KIF16B: variants seen among roughly 807,000 people sequenced by gnomAD.
KIF16B encodes kinesin family member 16B.
In KIF16B, 98 loss-of-function variants were observed where a neutral mutation model predicts 156.3. That is an observed-to-expected ratio of 0.63 (90% CI 0.53 to 0.74). KIF16B has a LOEUF of 0.74. KIF16B is among the 30% of genes least tolerant of loss of function. The pLI, the probability that KIF16B is intolerant of heterozygous loss-of-function variation, is 0.00. For synonymous variants in KIF16B, 564 were observed against 583.7 expected, an observed-to-expected ratio of 0.97 and a Z score of 0.49; for missense variants, 1,421 against 1,606.5, an observed-to-expected ratio of 0.88 and a Z score of 1.97.
chr20:16,366,648 G>A (rs748759120), intron 22 of KIF16B, among the ~76,000 whole-genome samples: 4 of 152,164 alleles, frequency 2.6e-5, no homozygotes, highest in Non-Finnish European at 5.9e-5. Context: ...TTCAATCCCC[G>A]GGTCCTCATA....
intron 25 of KIF16B, among the ~76,000 whole-genome samples, chr20:16,295,514 A>T (rs1220754751): frequency 6.6e-6 from 1 of 150,400 alleles, no homozygotes; most frequent in East Asian, 1.9e-4. Flanking sequence ...TATATAATCT[A>T]CTGACACTTA....
At chr20:16,291,600 A>G (rs2063315950) in intron 25 of KIF16B, among the ~76,000 whole-genome samples, 1 of 152,220 alleles carries the variant, frequency 6.6e-6, no homozygotes. Flanking sequence ...AAATCTCGTC[A>G]TCTAGGGGAT....
intron 20 of KIF16B, 125 bp downstream of exon 20, chr20:16,374,132 T>G: frequency 1.1e-6 from 1 of 941,986 alleles, no homozygotes; most frequent in South Asian, 3.2e-5. Flanking sequence ...AGAGCACATC[T>G]CAAGCACGTG....
chr20:16,555,367 A>C (rs532305647), intron 1 of KIF16B, among the ~76,000 whole-genome samples: 1 of 152,196 alleles, frequency 6.6e-6, no homozygotes, highest in East Asian at 1.9e-4. Context: ...GGTTAGTGGC[A>C]ATGGCAAGAT....
chr20:16,495,664 TTTGC>T (rs2068428976), intron 11 of KIF16B, among the ~76,000 whole-genome samples: 1 of 152,136 alleles, frequency 6.6e-6, no homozygotes, highest in Admixed American at 6.5e-5. Context: ...AACTCTGTGC[TTTGC>T]TTGTTTTCTT....
At chr20:16,398,698 C>A (rs1340840306) in intron 17 of KIF16B, among the ~76,000 whole-genome samples, 2 of 152,100 alleles carry the variant, frequency 1.3e-5, no homozygotes, top group Non-Finnish European at 2.9e-5. Flanking sequence ...AAGGTGGGGG[C>A]AACAAGAGGA....
intron 12 of KIF16B, among the ~76,000 whole-genome samples, chr20:16,493,969 A>T (rs1372183465): frequency 6.6e-6 from 1 of 152,216 alleles, no homozygotes; most frequent in Non-Finnish European, 1.5e-5. Flanking sequence ...CAGAAAAACA[A>T]AGTGAATATC....
chr20:16,500,739 T>C (rs1375588671), intron 10 of KIF16B, among the ~76,000 whole-genome samples: 1 of 152,178 alleles, frequency 6.6e-6, no homozygotes, highest in Non-Finnish European at 1.5e-5. Flanking sequence ...ACAAACACCA[T>C]ATAATTGAGT....
At position 16,558,564 on chromosome 20, in the gene KIF16B, TG is replaced by T. The variant is rs373080705; in HGVS notation, c.47+14664del. Among the ~76,000 whole-genome samples, 744 of 152,294 alleles carry T rather than the reference TG, an allele frequency of 4.9e-3. 6 individuals are homozygous for T. Among genetic ancestry groups the T allele is most frequent in the Non-Finnish European group, 6.0e-3 (411 of 68,010 alleles). On this transcript the variant is annotated intron_variant, in intron 1 of 25. Coordinates refer to ENST00000354981, the MANE Select transcript of KIF16B (RefSeq NM_024704.5). ...AACTGCAGATCATCATCTGTTTACA[TG>T]GCAAAAGATAAACTTCTTTGGTATC...
Position 16,308,239 on chromosome 20 carries a change from G to A in KIF16B, c.3795+4096C>T, listed in dbSNP as rs8119183. Among the ~76,000 whole-genome samples, 1,376 of 152,278 alleles carry A rather than the reference G, an allele frequency of 9.0e-3. 12 individuals are homozygous for A. The highest frequency in any genetic ancestry group is 0.031 in the African/African-American group (1,289 of 41,540). ...AACAAGATTATAAATAAAAGCCATC[G>A]TTACTGCCATGGTTAGTTAAGAGAT... On this transcript the variant is annotated intron_variant, in intron 25 of 25. Coordinates refer to ENST00000354981, the MANE Select transcript of KIF16B (RefSeq NM_024704.5).
At chr20:16,316,088 C>T (rs141515381) in intron 24 of KIF16B, among the ~76,000 whole-genome samples, 1 of 152,288 alleles carries the variant, frequency 6.6e-6, no homozygotes, top group East Asian at 1.9e-4. Flanking sequence ...TTAGGCCTTG[C>T]TATCTATAAG....
chr20:16,464,578 T>C (rs919803510), intron 12 of KIF16B, among the ~76,000 whole-genome samples: 4 of 152,190 alleles, frequency 2.6e-5, no homozygotes, highest in Admixed American at 2.6e-4. Flanking sequence ...AAAACACAGA[T>C]ACCAACTTAT....
At chr20:16,282,032 CTT>C (rs11478755) in intron 25 of KIF16B, among the ~76,000 whole-genome samples, 169 of 120,820 alleles carry the variant, frequency 1.4e-3, no homozygotes, top group Admixed American at 5.4e-3. Context: ...TTTTCTGTTT[CTT>C]TTTTTTTTTT....
intron 12 of KIF16B, among the ~76,000 whole-genome samples, chr20:16,489,467 C>A (rs190386292): frequency 1.9e-4 from 29 of 152,238 alleles, no homozygotes; most frequent in Admixed American, 1.4e-3. Context: ...GAGGCCAAGG[C>A]AGGAGAATTG....
chr20:16,544,001 TATGTA>T (rs1439896456), intron 1 of KIF16B, among the ~76,000 whole-genome samples: 2 of 152,128 alleles, frequency 1.3e-5, no homozygotes, highest in Non-Finnish European at 2.9e-5. Context: ...CTGGAGAGGG[TATGTA>T]AGCTTGGGAT....
At chr20:16,346,350 C>T (rs2064234561) in intron 23 of KIF16B, among the ~76,000 whole-genome samples, 1 of 152,198 alleles carries the variant, frequency 6.6e-6, no homozygotes, top group African/African-American at 2.4e-5. Flanking sequence ...AGGGGAGCCG[C>T]TCAAATAGGA....
intron 25 of KIF16B, among the ~76,000 whole-genome samples, chr20:16,283,989 A>G (rs2063185449): frequency 6.6e-6 from 1 of 152,186 alleles, no homozygotes; most frequent in Non-Finnish European, 1.5e-5. Flanking sequence ...CCACATTTGA[A>G]GCCAGCCATC....
At chr20:16,288,996 C>T (rs1235157762) in intron 25 of KIF16B, among the ~76,000 whole-genome samples, 1 of 151,518 alleles carries the variant, frequency 6.6e-6, no homozygotes, top group Non-Finnish European at 1.5e-5. Flanking sequence ...CCCAATAAAC[C>T]CACGGCCAGT....
intron 11 of KIF16B, among the ~76,000 whole-genome samples, chr20:16,496,208 C>T (rs1251621330): frequency 6.6e-6 from 1 of 152,148 alleles, no homozygotes; most frequent in Non-Finnish European, 1.5e-5. Flanking sequence ...GACTGGTGTA[C>T]TGAATTACTA....
Sources: gnomAD v4.1 joint callset for allele counts (sites outside exome capture counted in the v4.1 genomes callset) on GRCh38, gnomAD v4.1.1 for gene constraint, MANE v1.5 for transcripts, NCBI Gene and HGNC (gene_info 2026-07-23, HGNC 2026-07-21) for gene names.